The following DCAF6 variants were observed in gnomAD, a reference collection of about 807,000 sequenced individuals.
The protein encoded by DCAF6 is DDB1- and CUL4-associated factor 6.
A neutral mutation model predicts 125.1 loss-of-function variants in DCAF6; 54 were observed. The ratio of observed to expected loss-of-function variants is 0.43; its 90% CI spans 0.35 to 0.54. The LOEUF (loss-of-function observed/expected upper bound fraction) is 0.54, where lower values mean the gene tolerates loss of function less well. Among genes scored for constraint, DCAF6 ranks in the 20% least tolerant of loss-of-function variants. The pLI is 0.01. For synonymous variants in DCAF6, 371 were observed against 390.4 expected (o/e 0.95, Z 0.58); for missense variants, 934 against 1,161.7 (o/e 0.80, Z 2.85).
chr1:168,037,828 C>T (rs989356109), intron 12 of DCAF6, among the ~76,000 whole-genome samples: 1 of 152,012 alleles, frequency 6.6e-6, no homozygotes, highest in Non-Finnish European at 1.5e-5. Context: ...TAAATACCAC[C>T]CTCTTCTCCA....
Position 168,002,121 on chromosome 1 carries a change from T to C in DCAF6, c.904-361T>C, listed in dbSNP as rs1217590346. On this transcript the variant is annotated intron_variant, in intron 7 of 21. Transcript: ENST00000367840. The stretch of plus-strand genomic sequence containing the variant: ...AGGTATGTGGGTAATTTAACTAGAC[T>C]ATATTTATCATCACAATAGAAAACT... Among the ~76,000 whole-genome samples the C allele has an allele frequency of 3.3e-5, 5 of 152,316 alleles. No homozygotes were observed. The East Asian group carries it at 9.6e-4, about 29-fold the overall frequency.
intron 2 of DCAF6, among the ~76,000 whole-genome samples, chr1:167,958,488 T>G (rs912552178): frequency 1.3e-5 from 2 of 152,140 alleles, no homozygotes; most frequent in Non-Finnish European, 2.9e-5. Flanking sequence ...TTAATTCCAT[T>G]ACATTGATCT....
the DCAF6 span, chr1:167,901,990 C>A: frequency 1.1e-5 from 18 of 1,613,590 alleles, no homozygotes; most frequent in Admixed American, 3.0e-4. Flanking sequence ...CTTTCTTACC[C>A]CTTCTATCTT....
the DCAF6 span, among the ~76,000 whole-genome samples, chr1:167,871,499 G>A: frequency 6.6e-6 from 1 of 152,156 alleles, no homozygotes. Context: ...TAACAGCCCT[G>A]GGTGAAATCT....
At chr1:167,866,016 G>C in the DCAF6 span, among the ~76,000 whole-genome samples, 1 of 152,232 alleles carries the variant, frequency 6.6e-6, no homozygotes, top group Non-Finnish European at 1.5e-5. Flanking sequence ...TCACCACAGA[G>C]AGGAAACTTA....
intron 3 of DCAF6, 137 bp downstream of exon 3, chr1:167,966,858 A>C (rs1401589920): frequency 3.4e-6 from 2 of 586,098 alleles, no homozygotes; most frequent in African/African-American, 1.9e-5. Flanking sequence ...TTATTGTATA[A>C]TTTAGAGGTT....
At chr1:167,878,963 G>A in the DCAF6 span, among the ~76,000 whole-genome samples, 118 of 152,318 alleles carry the variant, frequency 7.7e-4, no homozygotes, top group African/African-American at 2.2e-3. Context: ...GTGTCAGTTG[G>A]TCTTCTGCCA....
intron 10 of DCAF6, among the ~76,000 whole-genome samples, chr1:168,011,111 A>ATTTTTTT (rs370763073): frequency 1.2e-4 from 13 of 110,350 alleles, no homozygotes; most frequent in Non-Finnish European, 1.6e-4. Flanking sequence ...GACCATCAGA[A>ATTTTTTT]TTTTTTTTTT....
chr1:168,061,264 G>A (rs752786686), intron 17 of DCAF6, among the ~76,000 whole-genome samples: 43 of 152,020 alleles, frequency 2.8e-4, no homozygotes, highest in Non-Finnish European at 5.0e-4. Context: ...TGATAGCATA[G>A]AAAAAAGTTT....
At chr1:167,901,610 GT>G in the DCAF6 span, 3 of 1,577,162 alleles carry the variant, frequency 1.9e-6, no homozygotes. Context: ...TGCCCCAGGA[GT>G]CAAGACCCTA....
chr1:167,984,417 G>A (rs1679648225), intron 4 of DCAF6, among the ~76,000 whole-genome samples: 1 of 152,092 alleles, frequency 6.6e-6, no homozygotes, highest in Non-Finnish European at 1.5e-5. Context: ...TGTGAGTACA[G>A]CTCATAGTTC....
chr1:168,038,742 C>T (rs565929376), intron 13 of DCAF6, among the ~76,000 whole-genome samples: 11 of 152,102 alleles, frequency 7.2e-5, no homozygotes, highest in African/African-American at 2.4e-4. Context: ...CGGTGCTGCT[C>T]ATCCTAGAAT....
At chr1:167,978,303 CAA>C (rs1454488450) in intron 4 of DCAF6, among the ~76,000 whole-genome samples, 1 of 152,110 alleles carries the variant, frequency 6.6e-6, no homozygotes, top group Non-Finnish European at 1.5e-5. Flanking sequence ...AATAGTTTTC[CAA>C]AGTGTAGTAA....
intron 7 of DCAF6, among the ~76,000 whole-genome samples, chr1:168,000,997 CA>C (rs1007822972): frequency 6.6e-6 from 1 of 151,974 alleles, no homozygotes; most frequent in African/African-American, 2.4e-5. Flanking sequence ...AATTATATTT[CA>C]ATACAAAAAT....
chr1:168,041,827 C>T (rs1688568885), intron 13 of DCAF6, among the ~76,000 whole-genome samples: 1 of 150,560 alleles, frequency 6.6e-6, no homozygotes, highest in Non-Finnish European at 1.5e-5. Context: ...TATATACCAC[C>T]TTAGCTTTTT....
rs1680194921 is a variant in DCAF6, at chr1:167,987,591, A to G, written c.535A>G (p.Lys179Glu). Residue 179 changes from lysine (K) to glutamate (E), a missense_variant, in exon 5 of 22, where the codon AAA (lysine) becomes GAA (glutamate). This residue lies in a region of DCAF6 where 309 missense variants were observed against 381.2 expected (regional missense o/e 0.81). Transcript: ENST00000367840. ...FDTRIKTSCT[K>E]EDCKDDILIN... ...TACACGCATCAAAACTAGCTGCACA[A>G]AAGAAGATTGTAAAGATGTAAGAAT... 1.3e-6 allele frequency: 2 copies of G among 1,579,482 alleles called. No individual in the cohort carries two copies. Among genetic ancestry groups the G allele is most frequent in the Non-Finnish European group, 1.7e-6 (2 of 1,149,878 alleles).
chr1:168,038,854 G>A (rs1688155881), intron 13 of DCAF6, among the ~76,000 whole-genome samples: 1 of 151,972 alleles, frequency 6.6e-6, no homozygotes. Context: ...GTGGTCCTAG[G>A]TAGGTGTATA....
At chr1:167,964,072 G>A (rs1044802220) in intron 2 of DCAF6, among the ~76,000 whole-genome samples, 29 of 152,118 alleles carry the variant, frequency 1.9e-4, no homozygotes, top group African/African-American at 6.3e-4. Context: ...AAAATAATTT[G>A]TTAGCTCAAT....
At chr1:168,056,580 C>G (rs1690883811) in intron 17 of DCAF6, among the ~76,000 whole-genome samples, 1 of 152,114 alleles carries the variant, frequency 6.6e-6, no homozygotes, top group South Asian at 2.1e-4. Context: ...ATGAAGGTCA[C>G]TGTTGTCCAA....
Sources: gnomAD v4.1 joint callset for allele counts (sites outside exome capture counted in the v4.1 genomes callset) on GRCh38, gnomAD v4.1.1 for gene constraint, gnomAD v4.1.1 regional missense constraint, MANE v1.5 for transcripts, NCBI Gene and HGNC (gene_info 2026-07-23, HGNC 2026-07-21) for gene names.